Variants in ITGA1 observed in about 807,000 individuals in gnomAD.
ITGA1 encodes integrin subunit alpha 1, also known as integrin alpha-1.
Under a neutral mutation model 145.9 loss-of-function variants are expected in ITGA1, and 85 were observed. The observed-to-expected ratio is 0.58, with a 90% CI of 0.49 to 0.70. The LOEUF (loss-of-function observed/expected upper bound fraction) is 0.70. Ranked by LOEUF, ITGA1 falls within the 30% of genes least tolerant of loss-of-function variation. The probability of loss-of-function intolerance (pLI) is 0.00; values close to 1 mark genes in which losing one functional copy is unlikely to be tolerated. For synonymous variants in ITGA1, 520 were observed against 495.3 expected (o/e 1.05, Z -0.66); for missense variants, 1,351 against 1,418.7 (o/e 0.95, Z 0.77).
intron 26 of ITGA1, among the ~76,000 whole-genome samples, chr5:52,944,214 C>T (rs559738926): frequency 6.6e-6 from 1 of 152,208 alleles, no homozygotes; most frequent in East Asian, 1.9e-4. Flanking sequence ...CTGTCTCTAC[C>T]TGCTCCCTGG....
At chr5:52,804,610 A>C (rs960866980) in intron 1 of ITGA1, among the ~76,000 whole-genome samples, 1 of 152,132 alleles carries the variant, frequency 6.6e-6, no homozygotes, top group Admixed American at 6.6e-5. Context: ...TAATTCTCTT[A>C]ACCTCCAATT....
chr5:52,939,166 G>C (rs1175804668), intron 24 of ITGA1, among the ~76,000 whole-genome samples: 5 of 152,118 alleles, frequency 3.3e-5, no homozygotes, highest in Non-Finnish European at 5.9e-5. Flanking sequence ...GCCTCCCAGA[G>C]TGCTAGAATT....
At chr5:52,949,457 CA>C (rs932125910) in intron 28 of ITGA1, among the ~76,000 whole-genome samples, 1 of 152,092 alleles carries the variant, frequency 6.6e-6, no homozygotes, top group African/African-American at 2.4e-5. Flanking sequence ...TCTTTTCGAC[CA>C]AGTATTTTAA....
rs183643168 is a variant in ITGA1 at position 52,910,580 on chromosome 5, T to C, written c.1857+161T>C. 2.0e-5 allele frequency among the ~76,000 whole-genome samples: 3 copies of C among 150,136 alleles called. No homozygotes were observed. In the Admixed American group the frequency reaches 2.0e-4, roughly 10 times the overall value. On this transcript the variant is annotated intron_variant, in intron 14 of 28. Coordinates refer to ENST00000282588, the MANE Select transcript of ITGA1 (RefSeq NM_181501.2). ...AGTGTTTTTTATAGATTAGTTACTA[T>C]ATATATATACACACACAAACAAACT... is the stretch of plus-strand genomic sequence containing the variant.
At chr5:52,808,946 A>G (rs1022617869) in intron 1 of ITGA1, among the ~76,000 whole-genome samples, 2 of 152,006 alleles carry the variant, frequency 1.3e-5, no homozygotes, top group African/African-American at 4.8e-5. Context: ...TCACCTATTC[A>G]TATTGAGTCA....
intron 2 of ITGA1, among the ~76,000 whole-genome samples, chr5:52,852,218 G>A (rs1338220952): frequency 1.3e-5 from 2 of 152,098 alleles, no homozygotes; most frequent in East Asian, 3.8e-4. Context: ...AAGGATGATG[G>A]CAGATCTTGA....
intron 12 of ITGA1, among the ~76,000 whole-genome samples, chr5:52,907,242 G>A (rs183477210): frequency 1.2e-4 from 19 of 152,168 alleles, no homozygotes; most frequent in Non-Finnish European, 7.4e-5. Context: ...CCACATTTAC[G>A]CTTGGAAAAC....
intron 1 of ITGA1, chr5:52,801,931 G>C: frequency 1.1e-6 from 1 of 917,674 alleles, no homozygotes; most frequent in Admixed American, 2.9e-5. Flanking sequence ...CTGCAAGAAT[G>C]GCACTTTTTG....
At chr5:52,801,780 C>T (rs755258648) in intron 1 of ITGA1, 8 of 1,614,034 alleles carry the variant, frequency 5.0e-6, no homozygotes, top group Middle Eastern at 3.3e-4. Flanking sequence ...CTGCCATTCT[C>T]CGCTTCCCTG....
chr5:52,823,757 G>A (rs1748915747), intron 1 of ITGA1, among the ~76,000 whole-genome samples: 1 of 152,162 alleles, frequency 6.6e-6, no homozygotes, highest in African/African-American at 2.4e-5. Flanking sequence ...ACAGACAAAG[G>A]AAAAGAAAGA....
intron 1 of ITGA1, among the ~76,000 whole-genome samples, chr5:52,813,591 A>T (rs1213506628): frequency 1.3e-5 from 2 of 152,194 alleles, no homozygotes; most frequent in East Asian, 3.9e-4. Context: ...AGCTGATGGA[A>T]TAGCCACCCC....
intron 6 of ITGA1, among the ~76,000 whole-genome samples, chr5:52,871,537 G>A (rs1248896512): frequency 6.6e-6 from 1 of 151,696 alleles, no homozygotes; most frequent in Non-Finnish European, 1.5e-5. Context: ...TTGTCATTTA[G>A]TAATTGCAAG....
chr5:52,926,369 G>A (rs1027539915), intron 19 of ITGA1, among the ~76,000 whole-genome samples: 1 of 152,126 alleles, frequency 6.6e-6, no homozygotes, highest in Non-Finnish European at 1.5e-5. Context: ...TTGGGAGACC[G>A]AGGCGGGCAA....
chr5:52,922,299 TCAAA>T (rs5867848), intron 17 of ITGA1, among the ~76,000 whole-genome samples: 76,794 of 150,792 alleles, frequency 0.51, 19,899 homozygotes, highest in African/African-American at 0.56. Flanking sequence ...AGACTCTGTC[TCAAA>T]CAAACAAACA....
chr5:52,819,685 C>T (rs2111700969), intron 1 of ITGA1, among the ~76,000 whole-genome samples: 1 of 152,284 alleles, frequency 6.6e-6, no homozygotes, highest in East Asian at 1.9e-4. Context: ...GCTTTTGTTG[C>T]CATTGCTTTC....
Position 52,893,972 on chromosome 5 carries a change from G to C in ITGA1, c.1090+132G>C. 6 of 620,616 alleles carry C rather than the reference G, an allele frequency of 9.7e-6. No homozygotes were observed. The South Asian group carries it at 1.4e-4, about 14-fold the overall frequency. The allele number at this position is 620,616 out of a possible 1,614,324, so 38.4% of individuals were successfully genotyped here. ...TTTACTGTGTACAATATCTAGCATG[G>C]AACAATGCTCTTTTATATAAATCTG... On this transcript the variant is annotated intron_variant, in intron 9 of 28. Transcript: ENST00000282588.
rs548399726 is a variant in ITGA1 at position 52,905,544 on chromosome 5, G to A, written c.1310-219G>A. The A allele has an allele frequency of 2.3e-5, 8 of 346,148 alleles. No homozygotes were observed. In the South Asian group the frequency reaches 4.9e-4, roughly 21 times the overall value. The allele number at this position is 346,148 out of a possible 1,614,324, so 21.4% of individuals were successfully genotyped here. A position where few individuals can be genotyped will look rare whatever the true frequency, so the allele number is the denominator to read the frequency against. On this transcript the variant is annotated intron_variant, in intron 11 of 28. Coordinates refer to ENST00000282588, the MANE Select transcript of ITGA1 (RefSeq NM_181501.2). ...TTTTAAATAATGAAAAACTCAGATT[G>A]GGGGAAAATAACTTCTCAGGAGAAA...
intron 1 of ITGA1, chr5:52,800,949 C>A: frequency 6.2e-7 from 1 of 1,614,186 alleles, no homozygotes; most frequent in African/African-American, 1.3e-5. Context: ...TGGAGCGGTT[C>A]TATGAACAGG....
Position 52,789,434 on chromosome 5 carries a change from C to T in ITGA1, c.61+1020C>T, listed in dbSNP as rs190386551. ...TTTACCACTAAAAACAGGGTAGAGC[C>T]AGCTAGTTTAGACCTGCCTTAGATG... On this transcript the variant is annotated intron_variant, in intron 1 of 28. Coordinates refer to ENST00000282588, the MANE Select transcript of ITGA1 (RefSeq NM_181501.2). 2.2e-3 allele frequency among the ~76,000 whole-genome samples: 334 copies of T among 152,254 alleles called. 3 individuals carry two copies. The Middle Eastern group carries it at 0.024, about 11-fold the overall frequency.
Sources: gnomAD v4.1 joint callset for allele counts (sites outside exome capture counted in the v4.1 genomes callset) on GRCh38, gnomAD v4.1.1 for gene constraint, MANE v1.5 for transcripts, NCBI Gene and HGNC (gene_info 2026-07-23, HGNC 2026-07-21) for gene names.